The following WDR72 variants were observed in gnomAD, a reference collection of about 807,000 sequenced individuals.
WDR72 encodes the protein WD repeat-containing protein 72.
A neutral mutation model predicts 124.2 loss-of-function variants in WDR72; 120 were observed. The ratio of observed to expected loss-of-function variants is 0.97; its 90% confidence interval spans 0.83 to 1.12. WDR72 has a LOEUF of 1.12. Ranked by LOEUF, WDR72 falls within the 50% of genes most tolerant of loss-of-function variation. The pLI is 0.00. For synonymous variants in WDR72, 452 were observed against 441.7 expected, an observed-to-expected ratio of 1.02 and a Z score of -0.29; for missense variants, 1,387 against 1,278.8, an observed-to-expected ratio of 1.08 and a Z score of -1.29.
intron 13 of WDR72, among the ~76,000 whole-genome samples, chr15:53,669,052 G>C (rs545287535): frequency 6.7e-6 from 1 of 150,020 alleles, no homozygotes; most frequent in South Asian, 2.2e-4. Flanking sequence ...AGGGGAAGGG[G>C]AGGGGAAGGG....
chr15:53,734,823 AT>A (rs1303811494), intron 1 of WDR72, among the ~76,000 whole-genome samples: 3 of 147,810 alleles, frequency 2.0e-5, no homozygotes, highest in Non-Finnish European at 2.9e-5. Flanking sequence ...AAAAAAAATA[AT>A]AATATTATAT....
In WDR72 at chr15:53,742,918, G is replaced by C. The variant is rs139565178; in HGVS notation, c.-12-9757C>G. On this transcript the variant is annotated intron_variant, in intron 1 of 19. Transcript: ENST00000360509. ...TTTATCATATAATCAATACAGCTAT[G>C]GAAATAATTATATAAACAACCAAAC... Among the ~76,000 whole-genome samples, 41 of 152,090 alleles carry C rather than the reference G, an allele frequency of 2.7e-4. No individual in the cohort carries two copies. In the East Asian group the frequency reaches 7.5e-3, roughly 28 times the overall value.
chr15:53,655,695 T>C (rs1273264222), intron 14 of WDR72, among the ~76,000 whole-genome samples: 4 of 148,298 alleles, frequency 2.7e-5, no homozygotes, highest in South Asian at 2.2e-4. Context: ...AGCAGGACTT[T>C]GCATTTTGTA....
intron 13 of WDR72, among the ~76,000 whole-genome samples, chr15:53,680,483 T>C (rs2016342034): frequency 6.6e-6 from 1 of 152,142 alleles, no homozygotes; most frequent in African/African-American, 2.4e-5. Context: ...ATAAGGAACA[T>C]GTAACTGTAA....
chr15:53,663,328 C>A (rs989989956), intron 14 of WDR72, among the ~76,000 whole-genome samples: 1 of 151,772 alleles, frequency 6.6e-6, no homozygotes, highest in African/African-American at 2.4e-5. Context: ...CAGTTTATGT[C>A]CGAATGTAAA....
At chr15:53,727,011 A>G (rs1484974874) in intron 2 of WDR72, among the ~76,000 whole-genome samples, 1 of 152,086 alleles carries the variant, frequency 6.6e-6, no homozygotes, top group East Asian at 1.9e-4. Context: ...AGTTGTCAAT[A>G]ATAAACCAAA....
chr15:53,537,690 T>C (rs1361133625), intron 18 of WDR72, among the ~76,000 whole-genome samples: 1 of 152,140 alleles, frequency 6.6e-6, no homozygotes, highest in Non-Finnish European at 1.5e-5. Context: ...AATTCAGTAT[T>C]ATTATTATTT....
chr15:53,668,568 T>C (rs2140455937), intron 13 of WDR72, among the ~76,000 whole-genome samples: 1 of 152,180 alleles, frequency 6.6e-6, no homozygotes, highest in Non-Finnish European at 1.5e-5. Context: ...ATGTTAACCT[T>C]TGTGGACAGA....
At chr15:53,697,876 T>G (rs2140515714) in intron 13 of WDR72, among the ~76,000 whole-genome samples, 1 of 152,236 alleles carries the variant, frequency 6.6e-6, no homozygotes, top group Non-Finnish European at 1.5e-5. Flanking sequence ...TGGCGCGATC[T>G]CCGCTCACTG....
At chr15:53,553,300 C>T (rs1346100132) in intron 18 of WDR72, among the ~76,000 whole-genome samples, 1 of 152,166 alleles carries the variant, frequency 6.6e-6, no homozygotes, top group African/African-American at 2.4e-5. Context: ...TGACCCAAAT[C>T]TGGCAGGGTG....
At chr15:53,746,049 T>G (rs1479349854) in intron 1 of WDR72, among the ~76,000 whole-genome samples, 1 of 152,176 alleles carries the variant, frequency 6.6e-6, no homozygotes, top group African/African-American at 2.4e-5. Flanking sequence ...AACCTCTTAT[T>G]CATCCAGGCT....
chr15:53,631,438 G>A (rs1322237757), intron 14 of WDR72, among the ~76,000 whole-genome samples: 1 of 152,158 alleles, frequency 6.6e-6, no homozygotes, highest in African/African-American at 2.4e-5. Context: ...AGCAGTGCAA[G>A]AACTAACACA....
intron 13 of WDR72, among the ~76,000 whole-genome samples, chr15:53,689,158 A>G (rs1252087658): frequency 2.0e-5 from 3 of 152,236 alleles, no homozygotes; most frequent in Non-Finnish European, 4.4e-5. Flanking sequence ...GGCATGGGCC[A>G]GGACTTCACG....
At chr15:53,533,665 C>A (rs1033082507) in intron 18 of WDR72, among the ~76,000 whole-genome samples, 3 of 152,158 alleles carry the variant, frequency 2.0e-5, no homozygotes, top group Non-Finnish European at 2.9e-5. Flanking sequence ...TCCTTCCAAT[C>A]TCAGCCTCTG....
rs534362381 is a variant in WDR72, at chr15:53,514,378, A to C, written c.*3321T>G. 198 of 152,292 alleles carry C rather than the reference A, an allele frequency of 1.3e-3. 1 individual carries two copies. Among genetic ancestry groups the C allele is most frequent in the African/African-American group, 4.5e-3 (189 of 41,566 alleles). The allele number at this position is 152,292 out of a possible 1,614,324, so 9.4% of individuals were successfully genotyped here. On this transcript the variant is annotated 3_prime_UTR_variant, in exon 20 of 20. Coordinates refer to ENST00000360509, the MANE Select transcript of WDR72 (RefSeq NM_182758.4). ...ATCAGTTGGAATTAATGTAACCTGAACTTTCATTTTAAATACATGGCATAA... is the reference window on the plus strand; with the variant it reads ...ATCAGTTGGAATTAATGTAACCTGACCTTTCATTTTAAATACATGGCATAA...
intron 7 of WDR72, among the ~76,000 whole-genome samples, chr15:53,712,174 A>G (rs1490823701): frequency 1.3e-5 from 2 of 152,224 alleles, no homozygotes; most frequent in African/African-American, 2.4e-5. Context: ...ATTCATTGTT[A>G]TTATGGTTTG....
intron 14 of WDR72, among the ~76,000 whole-genome samples, chr15:53,621,900 C>T (rs2014010310): frequency 1.3e-5 from 2 of 152,046 alleles, no homozygotes. Context: ...TATCCAGAAT[C>T]TACAAGGAAC....
chr15:53,670,188 T>A (rs944744107), intron 13 of WDR72, among the ~76,000 whole-genome samples: 1 of 152,180 alleles, frequency 6.6e-6, no homozygotes, highest in Non-Finnish European at 1.5e-5. Context: ...TGAATTTTTA[T>A]ATAATTTGTT....
intron 19 of WDR72, among the ~76,000 whole-genome samples, chr15:53,519,145 C>G (rs898537232): frequency 1.3e-5 from 2 of 152,026 alleles, no homozygotes; most frequent in African/African-American, 4.8e-5. Context: ...CTCATTAACA[C>G]TGTCATAAAA....
Sources: allele counts gnomAD v4.1 joint callset (sites outside exome capture counted in the v4.1 genomes callset), GRCh38; gene constraint gnomAD v4.1.1; transcripts MANE v1.5; gene names NCBI Gene and HGNC (gene_info 2026-07-23, HGNC 2026-07-21).